RAP1B: variants seen among roughly 807,000 people sequenced by gnomAD.
RAP1B encodes the protein RAP1B, member of RAS oncogene family.
In RAP1B, 1 loss-of-function variant was observed where a neutral mutation model predicts 27.5. The ratio of observed to expected loss-of-function variants is 0.04; its 90% CI spans 0.01 to 0.17. The LOEUF (loss-of-function observed/expected upper bound fraction) is 0.17, where lower values mean the gene tolerates loss of function less well. Ranked by LOEUF, RAP1B falls within the 10% of genes least tolerant of loss-of-function variation. The pLI is 1.00. For missense variants in RAP1B, 84 were observed against 214.8 expected (o/e 0.39, Z 3.81); for synonymous variants, 75 against 73.1 (o/e 1.03, Z -0.13).
intron 1 of RAP1B, among the ~76,000 whole-genome samples, chr12:68,639,174 C>T (rs796887729): frequency 2.5e-4 from 38 of 152,194 alleles, no homozygotes; most frequent in African/African-American, 7.7e-4. Flanking sequence ...TGACTTTACC[C>T]GTAAAGCATT....
chr12:68,630,867 G>A (rs1872184928), intron 1 of RAP1B, among the ~76,000 whole-genome samples: 1 of 151,934 alleles, frequency 6.6e-6, no homozygotes, highest in Admixed American at 6.6e-5. Context: ...TTTTTTTGTA[G>A]GGGTGGGGTT....
rs187073071 is a variant in RAP1B, at chr12:68,662,413, C to T, written c.*3164C>T. ...CTTGTTGATTCAGTTGTTTCTTAAA[C>T]GTAAATAGCTCATCTTTACCATATG... On this transcript the variant is annotated 3_prime_UTR_variant, in exon 8 of 8. Coordinates refer to ENST00000250559, the MANE Select transcript of RAP1B (RefSeq NM_001010942.3). 327 of 151,650 alleles carry T rather than the reference C, an allele frequency of 2.2e-3. 2 individuals carry two copies. Among genetic ancestry groups the T allele is most frequent in the Middle Eastern group, 6.8e-3 (2 of 292 alleles). 9.4% of individuals were successfully genotyped at this position (151,650 alleles called of 1,614,324 possible).
rs114469877 is a variant in RAP1B at position 68,626,971 on chromosome 12, C to A, written c.-27+15928C>A. ...AGCCGCTTCTCAGTCACCATGTCTT[C>A]AAACTCATTGGCATTGAACTTGGTG... On this transcript the variant is annotated intron_variant, in intron 1 of 7. Transcript: ENST00000250559. The A allele has an allele frequency of 4.9e-4, 746 of 1,530,424 alleles. 4 individuals are homozygous for A. The African/African-American group carries it at 9.2e-3, about 19-fold the overall frequency. The allele number at this position is 1,530,424 out of a possible 1,614,324, so 94.8% of individuals were successfully genotyped here. A position where few individuals can be genotyped will look rare whatever the true frequency, so the allele number is the denominator to read the frequency against.
At chr12:68,630,988 A>G (rs933975968) in intron 1 of RAP1B, among the ~76,000 whole-genome samples, 27 of 151,910 alleles carry the variant, frequency 1.8e-4, no homozygotes, top group Admixed American at 1.8e-3. Flanking sequence ...GGAAAAATGG[A>G]GTCTGCCCCA....
At chr12:68,655,947 G>A (rs187277590) in intron 5 of RAP1B, among the ~76,000 whole-genome samples, 1 of 152,234 alleles carries the variant, frequency 6.6e-6, no homozygotes, top group Non-Finnish European at 1.5e-5. Context: ...CTCATAACAG[G>A]ATCATAGCTT....
chr12:68,652,660 T>TA (rs1288118254), intron 4 of RAP1B, among the ~76,000 whole-genome samples: 1 of 150,218 alleles, frequency 6.7e-6, no homozygotes, highest in African/African-American at 2.5e-5. Context: ...ACTAAAAATA[T>TA]AAAAAAAATT....
intron 1 of RAP1B, among the ~76,000 whole-genome samples, chr12:68,641,430 A>G (rs1020664884): frequency 3.9e-5 from 6 of 152,226 alleles, no homozygotes; most frequent in African/African-American, 1.4e-4. Flanking sequence ...CTCTGAAACT[A>G]GAATTAAACA....
In RAP1B at chr12:68,664,774, A is replaced by AC. The variant is rs1251618072; in HGVS notation, c.*5527dup. 2 of 152,192 alleles carry AC rather than the reference A, an allele frequency of 1.3e-5. No homozygotes were observed. The highest frequency in any genetic ancestry group is 4.8e-5 in the African/African-American group (2 of 41,446). The allele number at this position is 152,192 out of a possible 1,614,324, so 9.4% of individuals were successfully genotyped here. A position where few individuals can be genotyped will look rare whatever the true frequency, so the allele number is the denominator to read the frequency against. On this transcript the variant is annotated 3_prime_UTR_variant, in exon 8 of 8. Transcript: ENST00000250559. ...GTTTAACAAGTCAATGATGGGAAAG[A>AC]CCAGTCAAATAAACTATCAGATCTA...
At chr12:68,614,038 A>G (rs1002516842) in intron 1 of RAP1B, among the ~76,000 whole-genome samples, 8 of 152,338 alleles carry the variant, frequency 5.3e-5, no homozygotes, top group African/African-American at 1.7e-4. Context: ...GATCCTTTCA[A>G]TTGTATCTTC....
Position 68,668,940 on chromosome 12 carries a change from A to T in RAP1B, c.*9691A>T, listed in dbSNP as rs1398676407. The T allele has an allele frequency of 6.6e-6, 1 of 152,194 alleles. No individual in the cohort carries two copies. The highest frequency in any genetic ancestry group is 1.5e-5 in the Non-Finnish European group (1 of 68,034). 9.4% of individuals were successfully genotyped at this position (152,194 alleles called of 1,614,324 possible). On this transcript the variant is annotated 3_prime_UTR_variant, in exon 8 of 8. Coordinates refer to ENST00000250559, the MANE Select transcript of RAP1B (RefSeq NM_001010942.3). ...TGTTCAACCCTCAGCAATGCTATGA[A>T]ATAGGGGCTGAGTCTCCTAATAGAG...
At chr12:68,642,871 C>T (rs2135950494) in intron 1 of RAP1B, 1 of 992,680 alleles carries the variant, frequency 1.0e-6, no homozygotes, top group East Asian at 2.4e-5. Context: ...AAGCAGCCAA[C>T]CTGGAGGTGA....
intron 1 of RAP1B, among the ~76,000 whole-genome samples, chr12:68,618,735 C>T (rs563037024): frequency 6.6e-6 from 1 of 150,534 alleles, no homozygotes; most frequent in South Asian, 2.1e-4. Flanking sequence ...CTGCCATGCA[C>T]TCAGATTTTT....
chr12:68,651,172 G>A (rs1359103974), intron 3 of RAP1B, among the ~76,000 whole-genome samples: 2 of 152,186 alleles, frequency 1.3e-5, no homozygotes, highest in Non-Finnish European at 2.9e-5. Flanking sequence ...TTGGAACATT[G>A]CAAGTTTTGG....
intron 1 of RAP1B, among the ~76,000 whole-genome samples, chr12:68,623,238 T>C (rs1330980621): frequency 6.6e-6 from 1 of 152,198 alleles, no homozygotes; most frequent in African/African-American, 2.4e-5. Flanking sequence ...AAATGAGTGA[T>C]ATAAATGAGT....
rs994413195 is a variant in RAP1B at position 68,666,459 on chromosome 12, A to G, written c.*7210A>G. The G allele has an allele frequency of 3.3e-5, 5 of 152,220 alleles. No homozygotes were observed. The highest frequency in any genetic ancestry group is 7.2e-5 in the African/African-American group (3 of 41,446). 9.4% of individuals were successfully genotyped at this position (152,220 alleles called of 1,614,324 possible). ...GTTCTGAAGGTCGAAGTCCAAAATC[A>G]AAGTGTTAGGATGTACTCCTAGAGG... is the stretch of plus-strand genomic sequence containing the variant. On this transcript the variant is annotated 3_prime_UTR_variant, in exon 8 of 8. Transcript: ENST00000250559.
intron 5 of RAP1B, among the ~76,000 whole-genome samples, chr12:68,655,585 G>T (rs979271345): frequency 2.7e-5 from 4 of 148,866 alleles, no homozygotes; most frequent in Non-Finnish European, 5.9e-5. Flanking sequence ...GCCCAGGCTG[G>T]AGTGCAATGG....
chr12:68,618,086 C>CTTTTTTTTTTTTT lies in RAP1B; in HGVS notation c.-27+7056_-27+7068dup, dbSNP rs36224976. 6.6e-5 allele frequency among the ~76,000 whole-genome samples: 4 copies of CTTTTTTTTTTTTT among 60,788 alleles called. 1 individual carries two copies. The highest frequency in any genetic ancestry group is 1.2e-4 in the Non-Finnish European group (4 of 33,162). 39.9% of individuals were successfully genotyped at this position (60,788 alleles called of 152,430 possible). On this transcript the variant is annotated intron_variant, in intron 1 of 7. Transcript: ENST00000250559. ...CTGTATTAGTTCTTGTTCTATAAAG[C>CTTTTTTTTTTTTT]TTTTTTTTTTTTTTTTTTTTTTTTT...
In RAP1B at chr12:68,643,701, G is replaced by A. The variant is rs145822997; in HGVS notation, c.-26-4998G>A. On this transcript the variant is annotated intron_variant, in intron 1 of 7. Coordinates refer to ENST00000250559, the MANE Select transcript of RAP1B (RefSeq NM_001010942.3). ...CTCTATGAGTTGAGTGGCTAAACTT[G>A]GTATTTTTGAGTTTTCTAAAGTCTA... is the stretch of plus-strand genomic sequence containing the variant. 4.6e-3 allele frequency among the ~76,000 whole-genome samples: 706 copies of A among 152,028 alleles called. 9 individuals carry two copies. Among genetic ancestry groups the A allele is most frequent in the African/African-American group, 0.016 (662 of 41,488 alleles).
chr12:68,666,613 C>G lies in RAP1B; in HGVS notation c.*7364C>G, dbSNP rs1376334861. ...TTGACATTTAGGGCTTACCCACATACTTCAGGATAATCTCATCTCAAAATG... is the reference window on the plus strand; with the variant it reads ...TTGACATTTAGGGCTTACCCACATAGTTCAGGATAATCTCATCTCAAAATG... On this transcript the variant is annotated 3_prime_UTR_variant, in exon 8 of 8. Transcript: ENST00000250559. The G allele has an allele frequency of 1.3e-5, 2 of 152,188 alleles. No individual in the cohort carries two copies. Among genetic ancestry groups the G allele is most frequent in the Non-Finnish European group, 2.9e-5 (2 of 68,034 alleles). 9.4% of individuals were successfully genotyped at this position (152,188 alleles called of 1,614,324 possible). A position where few individuals can be genotyped will look rare whatever the true frequency, so the allele number is the denominator to read the frequency against.
Sources: gnomAD v4.1 joint callset for allele counts (sites outside exome capture counted in the v4.1 genomes callset) on GRCh38, gnomAD v4.1.1 for gene constraint, MANE v1.5 for transcripts, NCBI Gene and HGNC (gene_info 2026-07-23, HGNC 2026-07-21) for gene names.